Variants in RGL1 observed in about 807,000 individuals in gnomAD.
RGL1 encodes the protein ral guanine nucleotide dissociation stimulator-like 1.
A neutral mutation model predicts 95.2 loss-of-function variants in RGL1; 24 were observed. The ratio of observed to expected loss-of-function variants is 0.25; its 90% CI spans 0.18 to 0.35. The LOEUF is 0.35. Ranked by LOEUF, RGL1 falls within the 10% of genes least tolerant of loss-of-function variation. The pLI is 1.00. For missense variants in RGL1, 715 were observed against 936.3 expected (o/e 0.76, Z 3.08); for synonymous variants, 329 against 344.9 (o/e 0.95, Z 0.51).
intron 3 of RGL1, among the ~76,000 whole-genome samples, chr1:183,865,496 C>T (rs866167667): frequency 5.9e-5 from 9 of 152,086 alleles, no homozygotes; most frequent in Non-Finnish European, 8.8e-5. Context: ...CCCTCTACAA[C>T]GGACTTATTT....
chr1:183,725,922 T>C (rs1001334956), intron 1 of RGL1, among the ~76,000 whole-genome samples: 11 of 152,096 alleles, frequency 7.2e-5, no homozygotes, highest in Non-Finnish European at 1.3e-4. Flanking sequence ...ATTAAACAAG[T>C]CTCCAGAAAT....
chr1:183,900,451 G>A (rs1214048608), intron 11 of RGL1, among the ~76,000 whole-genome samples: 3 of 152,208 alleles, frequency 2.0e-5, no homozygotes, highest in East Asian at 1.9e-4. Flanking sequence ...AGCAGTGAAC[G>A]ATAGTAATAA....
chr1:183,807,154 A>C (rs568829944), intron 2 of RGL1, among the ~76,000 whole-genome samples: 1 of 152,174 alleles, frequency 6.6e-6, no homozygotes. Flanking sequence ...AGATCCTTCA[A>C]CACATCCCAA....
intron 1 of RGL1, among the ~76,000 whole-genome samples, chr1:183,729,230 C>G (rs1474120997): frequency 2.6e-5 from 4 of 151,658 alleles, no homozygotes; most frequent in East Asian, 1.9e-4. Context: ...ATTATAAGGA[C>G]TGATATCTAG....
intron 7 of RGL1, among the ~76,000 whole-genome samples, chr1:183,886,316 T>C (rs1487396944): frequency 6.6e-6 from 1 of 152,186 alleles, no homozygotes; most frequent in Non-Finnish European, 1.5e-5. Flanking sequence ...TCGAGCTTAT[T>C]GCTCAGCAAG....
chr1:183,861,789 G>T (rs1167841603), intron 3 of RGL1, among the ~76,000 whole-genome samples: 1 of 152,138 alleles, frequency 6.6e-6, no homozygotes, highest in African/African-American at 2.4e-5. Context: ...CAGGTTTGTT[G>T]GTAGCTATTC....
intron 1 of RGL1, among the ~76,000 whole-genome samples, chr1:183,705,907 G>A (rs567333648): frequency 6.6e-6 from 1 of 152,262 alleles, no homozygotes; most frequent in South Asian, 2.1e-4. Context: ...CTGCTTGGGG[G>A]ATGGGATACT....
At chr1:183,917,880 C>T (rs1190506250) in intron 16 of RGL1, among the ~76,000 whole-genome samples, 1 of 152,184 alleles carries the variant, frequency 6.6e-6, no homozygotes, top group Non-Finnish European at 1.5e-5. Context: ...AGTCATGGCA[C>T]TGTGTTTGCT....
chr1:183,689,053 A>G (rs1653787476), intron 1 of RGL1, among the ~76,000 whole-genome samples: 1 of 152,210 alleles, frequency 6.6e-6, no homozygotes, highest in Admixed American at 6.5e-5. Flanking sequence ...CATTAAAATT[A>G]AAATTGTATT....
chr1:183,904,683 T>G (rs1352220872), intron 12 of RGL1, among the ~76,000 whole-genome samples, 167 bp from the exon 13 acceptor site: 1 of 152,192 alleles, frequency 6.6e-6, no homozygotes, highest in Non-Finnish European at 1.5e-5. Context: ...TTTTAAGAGT[T>G]AGTTAGCTCC....
rs148358920 is a variant in RGL1, at chr1:183,667,295, T to C, written c.-33+30794T>C. Among the ~76,000 whole-genome samples the C allele has an allele frequency of 5.3e-3, 812 of 152,322 alleles. 6 individuals are homozygous for C. Among genetic ancestry groups the C allele is most frequent in the African/African-American group, 0.018 (760 of 41,566 alleles). ...ATCATTCTGGCAATCTGTCTTTTCA[T>C]TGATGTATTTAGATCATTGATTTAT... On this transcript the variant is annotated intron_variant, in intron 1 of 18. Transcript: ENST00000304685.
At chr1:183,725,403 C>T (rs1346806343) in intron 1 of RGL1, among the ~76,000 whole-genome samples, 1 of 152,128 alleles carries the variant, frequency 6.6e-6, no homozygotes, top group East Asian at 1.9e-4. Context: ...GCAAATGCAT[C>T]CTTCACATGA....
chr1:183,826,738 G>A lies in RGL1; in HGVS notation c.138+20253G>A, dbSNP rs144464452. Among the ~76,000 whole-genome samples, 431 of 152,176 alleles carry A rather than the reference G, an allele frequency of 2.8e-3. 3 individuals are homozygous for A. The highest frequency in any genetic ancestry group is 1.0e-2 in the African/African-American group (414 of 41,524). ...TAAATGAAAGGTTAAACTGTGCTCC[G>A]GATGTTCTGCTTTTGAAGGCAGAAA... On this transcript the variant is annotated intron_variant, in intron 2 of 17. Transcript: ENST00000360851.
chr1:183,660,194 T>A (rs1433056480), intron 1 of RGL1, among the ~76,000 whole-genome samples: 1 of 152,114 alleles, frequency 6.6e-6, no homozygotes, highest in Non-Finnish European at 1.5e-5. Context: ...CAGGATCAAA[T>A]TCACCCATAA....
intron 16 of RGL1, among the ~76,000 whole-genome samples, chr1:183,920,782 G>C (rs1376294956): frequency 1.3e-5 from 2 of 152,238 alleles, no homozygotes; most frequent in South Asian, 2.1e-4. Flanking sequence ...GAATATGCCA[G>C]ATGTTTTGGT....
At chr1:183,824,420 C>T (rs1000778296) in intron 2 of RGL1, among the ~76,000 whole-genome samples, 1 of 152,122 alleles carries the variant, frequency 6.6e-6, no homozygotes, top group Non-Finnish European at 1.5e-5. Flanking sequence ...TCCTCTTCAC[C>T]ATGCTGGTCC....
chr1:183,897,121 GATAT>G (rs1413234861), intron 9 of RGL1, among the ~76,000 whole-genome samples: 1 of 152,220 alleles, frequency 6.6e-6, no homozygotes, highest in Non-Finnish European at 1.5e-5. Flanking sequence ...TTGTTTTCAG[GATAT>G]CTGATTACTT....
intron 4 of RGL1, among the ~76,000 whole-genome samples, chr1:183,870,161 A>G (rs1240334563): frequency 6.6e-6 from 1 of 152,122 alleles, no homozygotes; most frequent in Non-Finnish European, 1.5e-5. Flanking sequence ...CTAAAATGAC[A>G]TCAGCCCCAA....
intron 2 of RGL1, among the ~76,000 whole-genome samples, chr1:183,811,984 C>T (rs530958542): frequency 6.6e-6 from 1 of 152,110 alleles, no homozygotes; most frequent in African/African-American, 2.4e-5. Flanking sequence ...AAATACTGTG[C>T]CTTTCCACTT....
Sources: allele counts gnomAD v4.1 joint callset (sites outside exome capture counted in the v4.1 genomes callset), GRCh38; gene constraint gnomAD v4.1.1; transcripts MANE v1.5; gene names NCBI Gene and HGNC (gene_info 2026-07-23, HGNC 2026-07-21).